The following SKAP2 variants were observed in gnomAD, a reference collection of about 807,000 sequenced individuals.
SKAP2 encodes src kinase-associated phosphoprotein 2.
Under a neutral mutation model 54.9 loss-of-function variants are expected in SKAP2, and 28 were observed. The ratio of observed to expected loss-of-function variants is 0.51; its 90% CI spans 0.38 to 0.70. SKAP2 has a LOEUF of 0.70. Ranked by LOEUF, SKAP2 falls within the 30% of genes least tolerant of loss-of-function variation. The pLI is 0.00. For synonymous variants in SKAP2, 137 were observed against 134.3 expected, an observed-to-expected ratio of 1.02 and a Z score of -0.14; for missense variants, 356 against 424.1, an observed-to-expected ratio of 0.84 and a Z score of 1.41.
chr7:26,831,206 C>T (rs1364957194), intron 4 of SKAP2, among the ~76,000 whole-genome samples: 2 of 152,014 alleles, frequency 1.3e-5, no homozygotes, highest in Non-Finnish European at 2.9e-5. Context: ...GCTCATGATG[C>T]CTATGTATAA....
chr7:26,713,636 G>A (rs1328229173), intron 9 of SKAP2, among the ~76,000 whole-genome samples: 2 of 150,990 alleles, frequency 1.3e-5, no homozygotes, highest in African/African-American at 2.4e-5. Context: ...GTCTCGCTCT[G>A]TCGCCCAGGC....
At chr7:26,759,434 A>G (rs909049198) in intron 4 of SKAP2, among the ~76,000 whole-genome samples, 4 of 152,100 alleles carry the variant, frequency 2.6e-5, no homozygotes, top group Non-Finnish European at 4.4e-5. Context: ...GAGTTTGCTC[A>G]ATCCACACAG....
At chr7:26,720,967 A>G (rs2127954142) in intron 9 of SKAP2, among the ~76,000 whole-genome samples, 1 of 152,322 alleles carries the variant, frequency 6.6e-6, no homozygotes, top group African/African-American at 2.4e-5. Flanking sequence ...CTACTTGGGA[A>G]AAACTATTCC....
At chr7:26,688,088 A>G (rs1786688119) in intron 10 of SKAP2, among the ~76,000 whole-genome samples, 1 of 152,182 alleles carries the variant, frequency 6.6e-6, no homozygotes, top group African/African-American at 2.4e-5. Context: ...CATTGGGCAA[A>G]GCTAACAGAA....
At chr7:26,699,522 ATC>A (rs1299387886) in intron 9 of SKAP2, among the ~76,000 whole-genome samples, 3 of 152,140 alleles carry the variant, frequency 2.0e-5, no homozygotes, top group African/African-American at 7.2e-5. Flanking sequence ...TTCTTTAAAG[ATC>A]TGTTTTAATT....
At chr7:26,858,643 C>T (rs866040629) in intron 1 of SKAP2, among the ~76,000 whole-genome samples, 54 of 152,178 alleles carry the variant, frequency 3.5e-4, no homozygotes, top group African/African-American at 1.2e-3. Context: ...AAAAAACAGC[C>T]ACCCCACCTT....
downstream of SKAP2, among the ~76,000 whole-genome samples, chr7:26,665,901 T>C (rs1786098309): frequency 6.6e-6 from 1 of 152,124 alleles, no homozygotes; most frequent in Admixed American, 6.6e-5. Context: ...ATGTAGTACT[T>C]ATTGTTTCTC....
chr7:26,746,849 T>A (rs576439278), intron 4 of SKAP2, among the ~76,000 whole-genome samples: 58 of 152,288 alleles, frequency 3.8e-4, no homozygotes, highest in African/African-American at 1.4e-3. Flanking sequence ...GCTCACAACA[T>A]ATTTTTTGTA....
At chr7:26,699,983 CT>C (rs1024015818) in intron 9 of SKAP2, among the ~76,000 whole-genome samples, 1 of 152,102 alleles carries the variant, frequency 6.6e-6, no homozygotes, top group African/African-American at 2.4e-5. Flanking sequence ...CAAGTCTTTC[CT>C]TTCTTGTACT....
At chr7:26,838,489 A>T (rs1435213076) in intron 4 of SKAP2, among the ~76,000 whole-genome samples, 2 of 152,182 alleles carry the variant, frequency 1.3e-5, no homozygotes, top group Non-Finnish European at 2.9e-5. Context: ...AAAAATCCAA[A>T]AAGGCCTAAG....
intron 4 of SKAP2, among the ~76,000 whole-genome samples, chr7:26,801,815 T>G (rs1407451829): frequency 2.0e-5 from 3 of 152,148 alleles, no homozygotes; most frequent in Admixed American, 6.5e-5. Context: ...AAGATCTCTA[T>G]AATGAAAACT....
At chr7:26,678,087 C>T (rs964732801) in intron 11 of SKAP2, among the ~76,000 whole-genome samples, 2 of 152,188 alleles carry the variant, frequency 1.3e-5, no homozygotes, top group South Asian at 4.1e-4. Context: ...CAGATAATTT[C>T]CATAATAACC....
At chr7:26,839,838 T>C (rs1784784778) in intron 4 of SKAP2, among the ~76,000 whole-genome samples, 1 of 152,040 alleles carries the variant, frequency 6.6e-6, no homozygotes, top group Non-Finnish European at 1.5e-5. Flanking sequence ...CAGGTTTATA[T>C]CTAAGCCTGT....
intron 4 of SKAP2, among the ~76,000 whole-genome samples, chr7:26,757,398 C>T (rs934914365): frequency 3.9e-5 from 6 of 152,140 alleles, no homozygotes; most frequent in African/African-American, 1.2e-4. Context: ...TATGGCTGGC[C>T]AGTTTTCCCA....
intron 4 of SKAP2, among the ~76,000 whole-genome samples, chr7:26,835,638 G>T (rs1340651036): frequency 1.3e-5 from 2 of 152,156 alleles, no homozygotes; most frequent in Non-Finnish European, 2.9e-5. Context: ...TACAGAAGAT[G>T]TGAAGGACCT....
chr7:26,834,738 G>A (rs538456423), intron 4 of SKAP2, among the ~76,000 whole-genome samples: 19 of 152,054 alleles, frequency 1.2e-4, no homozygotes, highest in Non-Finnish European at 2.8e-4. Context: ...AGGACCAGAC[G>A]GATTCACAGC....
intron 4 of SKAP2, among the ~76,000 whole-genome samples, chr7:26,823,530 C>A (rs372402387): frequency 6.6e-6 from 1 of 152,002 alleles, no homozygotes; most frequent in Admixed American, 6.5e-5. Context: ...TACAACACTC[C>A]CTTAAGCCAA....
In SKAP2 at chr7:26,846,523, T is replaced by C. The variant is rs376217131; in HGVS notation, c.200-2386A>G. Reference sequence around the variant, plus strand: ...CAACGAATATGTATAAATATATACATACATATCAACAGTTCATTACTAAAG... The same window carrying C: ...CAACGAATATGTATAAATATATACACACATATCAACAGTTCATTACTAAAG... On this transcript the variant is annotated intron_variant, in intron 3 of 12. Transcript: ENST00000345317. 2.6e-4 allele frequency among the ~76,000 whole-genome samples: 40 copies of C among 152,258 alleles called. No individual in the cohort carries two copies. In the East Asian group the frequency reaches 7.3e-3, roughly 28 times the overall value.
chr7:26,655,940 G>A, the SKAP2 span, among the ~76,000 whole-genome samples: 2 of 152,156 alleles, frequency 1.3e-5, no homozygotes, highest in Non-Finnish European at 2.9e-5. Flanking sequence ...GGTGCCACTG[G>A]ATGGAAATGT....
Sources: allele counts gnomAD v4.1 joint callset (sites outside exome capture counted in the v4.1 genomes callset), GRCh38; gene constraint gnomAD v4.1.1; transcripts MANE v1.5; gene names NCBI Gene and HGNC (gene_info 2026-07-23, HGNC 2026-07-21).